SYNPO2: variants seen among roughly 807,000 people sequenced by gnomAD.
SYNPO2 encodes the protein synaptopodin-2.
Under a neutral mutation model 85.0 loss-of-function variants are expected in SYNPO2, and 56 were observed. The ratio of observed to expected loss-of-function variants is 0.66; its 90% CI spans 0.53 to 0.82. The LOEUF is 0.82. SYNPO2 is among the 40% of genes least tolerant of loss of function. The pLI, the probability that SYNPO2 is intolerant of heterozygous loss-of-function variation, is 0.00. For synonymous variants in SYNPO2, 602 were observed against 591.1 expected, an observed-to-expected ratio of 1.02 and a Z score of -0.27; for missense variants, 1,575 against 1,534.2, an observed-to-expected ratio of 1.03 and a Z score of -0.44.
At chr4:118,925,192 A>C (rs1733672170) in intron 1 of SYNPO2, among the ~76,000 whole-genome samples, 3 of 152,194 alleles carry the variant, frequency 2.0e-5, no homozygotes, top group Admixed American at 2.0e-4. Flanking sequence ...TTATTCAAAA[A>C]AATGTGTTTT....
chr4:119,054,297 T>C (rs2149201543), intron 4 of SYNPO2, among the ~76,000 whole-genome samples: 1 of 152,314 alleles, frequency 6.6e-6, no homozygotes, highest in East Asian at 1.9e-4. Flanking sequence ...AGCAGCTCAG[T>C]TGGCCTCTTG....
At chr4:118,901,720 A>G (rs527581934) in intron 1 of SYNPO2, among the ~76,000 whole-genome samples, 1 of 152,330 alleles carries the variant, frequency 6.6e-6, no homozygotes, top group African/African-American at 2.4e-5. Context: ...ACTGAAAGAG[A>G]ATGAATTGAC....
chr4:119,046,435 G>T (rs1738869053), intron 4 of SYNPO2, among the ~76,000 whole-genome samples: 1 of 152,246 alleles, frequency 6.6e-6, no homozygotes, highest in Non-Finnish European at 1.5e-5. Context: ...CAGGAGGGCA[G>T]CCGGGGTTGG....
Position 119,031,335 on chromosome 4 carries a change from G to A in SYNPO2, c.2560G>A (p.Val854Ile), listed in dbSNP as rs1170582020. 1.2e-6 allele frequency: 2 copies of A among 1,614,038 alleles called. No individual in the cohort carries two copies. The highest frequency in any genetic ancestry group is 2.7e-5 in the African/African-American group (2 of 74,940). ...AGTTTCCACACCAACAGTCAATGCT[G>A]TTCAGCCTGGTGCAGTGGGACCATC... ...PTVSTPTVNAVQPGAVGPSNE... is the reference protein window; with the variant it reads ...PTVSTPTVNAIQPGAVGPSNE... The change falls in exon 4 of 5, where the codon GTT becomes ATT. Residue 854 changes from valine to isoleucine, a missense_variant. Physicochemically the swap from Val to Ile is conservative, Grantham distance 29 (BLOSUM62 3). Around this residue, in one of 3 missense-constraint regions of SYNPO2, gnomAD observed 1,508 missense variants for 1,446.8 expected, o/e 1.04. Coordinates refer to ENST00000307142, the MANE Select transcript of SYNPO2 (RefSeq NM_133477.3).
intron 1 of SYNPO2, among the ~76,000 whole-genome samples, chr4:118,854,045 A>T (rs1420550459): frequency 6.6e-6 from 1 of 152,248 alleles, no homozygotes; most frequent in Non-Finnish European, 1.5e-5. Context: ...AAAAGCTAAG[A>T]ATATTTAGTG....
At chr4:118,861,643 A>G (rs1471076519) in intron 1 of SYNPO2, among the ~76,000 whole-genome samples, 1 of 152,170 alleles carries the variant, frequency 6.6e-6, no homozygotes, top group Admixed American at 6.5e-5. Context: ...GTCGAAAATG[A>G]GTTCACTGTA....
chr4:118,943,537 T>C (rs4834728), intron 1 of SYNPO2, among the ~76,000 whole-genome samples: 125,908 of 152,206 alleles, frequency 0.83, 52,300 homozygotes, highest in Middle Eastern at 0.93. Flanking sequence ...GAGTTGTTTT[T>C]TCATGCTAAC....
intron 1 of SYNPO2, among the ~76,000 whole-genome samples, chr4:118,880,406 C>G (rs1732060633): frequency 6.6e-6 from 1 of 152,090 alleles, no homozygotes; most frequent in African/African-American, 2.4e-5. Context: ...AATTTAGTGG[C>G]AGTTCCAAAT....
At chr4:118,881,105 A>G (rs1383567505) in intron 1 of SYNPO2, among the ~76,000 whole-genome samples, 1 of 152,092 alleles carries the variant, frequency 6.6e-6, no homozygotes, top group African/African-American at 2.4e-5. Context: ...GATCCAGACC[A>G]TCCTGGCTAA....
intron 1 of SYNPO2, among the ~76,000 whole-genome samples, chr4:118,973,451 T>C (rs1735612680): frequency 1.3e-5 from 2 of 152,166 alleles, no homozygotes. Flanking sequence ...GATATGATAC[T>C]GGCAGTTTTC....
intron 4 of SYNPO2, chr4:119,032,455 A>G (rs962314319): frequency 3.4e-5 from 36 of 1,051,032 alleles, no homozygotes; most frequent in Non-Finnish European, 4.0e-5. Context: ...TATAACCTAT[A>G]TTGACTGAGA....
intron 1 of SYNPO2, among the ~76,000 whole-genome samples, chr4:118,989,027 T>C (rs1455795953): frequency 6.6e-6 from 1 of 152,154 alleles, no homozygotes; most frequent in East Asian, 1.9e-4. Flanking sequence ...TGGTCACACA[T>C]AAAACAAGAG....
At position 119,031,519 on chromosome 4, in the gene SYNPO2, C is replaced by G. The variant is rs1387846070; in HGVS notation, c.2744C>G (p.Ser915Cys). The G allele has an allele frequency of 3.7e-6, 6 of 1,614,198 alleles. No individual in the cohort carries two copies. The highest frequency in any genetic ancestry group is 1.6e-4 in the Middle Eastern group (1 of 6,062). Reference protein sequence around the residue: ...PSLPASWKYSSNVRAPPPVAY... With the variant: ...PSLPASWKYSCNVRAPPPVAY... ...CTCCCGGCCAGTTGGAAGTACTCCT[C>G]CAATGTCCGAGCACCTCCTCCTGTG... Residue 915 changes from serine (S) to cysteine (C), a missense_variant, in exon 4 of 5, where the codon TCC (serine) becomes TGC (cysteine). Coordinates refer to ENST00000307142, the MANE Select transcript of SYNPO2 (RefSeq NM_133477.3).
At chr4:119,012,080 G>T (rs563992243) in intron 1 of SYNPO2, among the ~76,000 whole-genome samples, 1 of 151,904 alleles carries the variant, frequency 6.6e-6, no homozygotes, top group South Asian at 2.1e-4. Flanking sequence ...CTGCCACCAC[G>T]TCTGGCTAAT....
intron 1 of SYNPO2, among the ~76,000 whole-genome samples, chr4:119,000,810 A>G (rs1334406112): frequency 1.3e-5 from 2 of 152,158 alleles, no homozygotes; most frequent in African/African-American, 4.8e-5. Flanking sequence ...CAATTATGTC[A>G]TTTGCAGAGA....
At chr4:119,034,834 C>T in intron 4 of SYNPO2, 2 of 985,496 alleles carry the variant, frequency 2.0e-6, no homozygotes, top group African/African-American at 1.7e-5. Context: ...AGAGTTAGAC[C>T]TCCAGACGTC....
rs112013626 is a variant in SYNPO2, at chr4:119,039,108, A to G, written c.3252+7081A>G. On this transcript the variant is annotated intron_variant, in intron 4 of 4. Transcript: ENST00000307142. ...TCATAGAACCACTAATAAGGTAACA[A>G]TTATGGGGGCTTAAGATGTGCTAGG... 7.8e-3 allele frequency among the ~76,000 whole-genome samples: 1,188 copies of G among 152,248 alleles called. 8 individuals carry two copies. Among genetic ancestry groups the G allele is most frequent in the African/African-American group, 0.026 (1,094 of 41,558 alleles).
intron 1 of SYNPO2, among the ~76,000 whole-genome samples, chr4:118,951,304 G>T (rs1289937602): frequency 1.3e-5 from 2 of 152,144 alleles, no homozygotes; most frequent in Non-Finnish European, 2.9e-5. Context: ...TCCTCTGGAG[G>T]GGGAGAATGC....
In SYNPO2 at chr4:119,031,335, G is replaced by C; in HGVS notation, c.2560G>C (p.Val854Leu). The C allele has an allele frequency of 6.2e-7, 1 of 1,614,156 alleles. No homozygotes were observed. Residue 854 changes from valine to leucine, a missense_variant, in exon 4 of 5, where the codon GTT becomes CTT. By Grantham distance (32) the Val-to-Leu change is conservative. This residue lies in a region of SYNPO2 where 1,508 missense variants were observed against 1,446.8 expected (regional missense o/e 1.04). Transcript: ENST00000307142. ...PTVSTPTVNA[V>L]QPGAVGPSNE... is the part of the protein sequence containing the mutation. ...AGTTTCCACACCAACAGTCAATGCTGTTCAGCCTGGTGCAGTGGGACCATC... is the reference window on the plus strand; with the variant it reads ...AGTTTCCACACCAACAGTCAATGCTCTTCAGCCTGGTGCAGTGGGACCATC...
Sources: gnomAD v4.1 joint callset for allele counts (sites outside exome capture counted in the v4.1 genomes callset) on GRCh38, gnomAD v4.1.1 for gene constraint, gnomAD v4.1.1 regional missense constraint, MANE v1.5 for transcripts, NCBI Gene and HGNC (gene_info 2026-07-23, HGNC 2026-07-21) for gene names.